The following SH3GL3 variants were observed in gnomAD, a reference collection of about 807,000 sequenced individuals.
SH3GL3 encodes the protein endophilin-A3.
Under a neutral mutation model 47.7 loss-of-function variants are expected in SH3GL3, and 33 were observed. The ratio of observed to expected loss-of-function variants is 0.69; its 90% CI spans 0.52 to 0.92. SH3GL3 has a LOEUF of 0.92. Among genes scored for constraint, SH3GL3 ranks in the 40% least tolerant of loss-of-function variants. SH3GL3 has a pLI of 0.00. For synonymous variants in SH3GL3, 155 were observed against 148.8 expected (o/e 1.04, Z -0.30); for missense variants, 363 against 417.8 (o/e 0.87, Z 1.14).
chr15:83,585,433 G>A (rs145247145), intron 6 of SH3GL3, among the ~76,000 whole-genome samples: 3 of 151,950 alleles, frequency 2.0e-5, no homozygotes, highest in East Asian at 1.9e-4. Flanking sequence ...ATTATAAAAT[G>A]CAAGCATTTT....
intron 1 of SH3GL3, chr15:83,490,760 A>C: frequency 6.2e-7 from 1 of 1,604,946 alleles, no homozygotes; most frequent in Non-Finnish European, 8.5e-7. Context: ...AGGAGCTTTT[A>C]AGTGAATAAG....
chr15:83,482,368 AC>A (rs1320428486), intron 1 of SH3GL3, among the ~76,000 whole-genome samples: 2 of 152,010 alleles, frequency 1.3e-5, no homozygotes, highest in Non-Finnish European at 2.9e-5. Flanking sequence ...AGTAGGCTTT[AC>A]TTTTTATATA....
intron 1 of SH3GL3, among the ~76,000 whole-genome samples, chr15:83,486,570 G>C (rs921451009): frequency 6.6e-6 from 1 of 152,128 alleles, no homozygotes; most frequent in Non-Finnish European, 1.5e-5. Context: ...GCATGTATCA[G>C]TACTTTATTC....
intron 1 of SH3GL3, among the ~76,000 whole-genome samples, chr15:83,458,519 C>T (rs2040111434): frequency 6.6e-6 from 1 of 152,218 alleles, no homozygotes; most frequent in Admixed American, 6.5e-5. Context: ...GTGGTAGAGG[C>T]TGCTGATATT....
chr15:83,597,082 A>C (rs965745165), intron 8 of SH3GL3, among the ~76,000 whole-genome samples: 4 of 152,186 alleles, frequency 2.6e-5, no homozygotes, highest in Non-Finnish European at 4.4e-5. Context: ...ACAATGTATG[A>C]TCTATTTTAT....
rs143393694 is a variant in SH3GL3 at position 83,464,988 on chromosome 15, T to TATAATAATAATA, written c.45+17436_45+17447dup. Among the ~76,000 whole-genome samples the TATAATAATAATA allele has an allele frequency of 3.2e-3, 454 of 141,524 alleles. 4 individuals carry two copies. Among genetic ancestry groups the TATAATAATAATA allele is most frequent in the South Asian group, 7.5e-3 (32 of 4,284 alleles). The allele number at this position is 141,524 out of a possible 152,430, so 92.8% of individuals were successfully genotyped here. On this transcript the variant is annotated intron_variant, in intron 1 of 8. Transcript: ENST00000427482. The stretch of plus-strand genomic sequence containing the variant: ...TGCACATGTACCCTAGAACTTAAAG[T>TATAATAATAATA]ATAATAATAATAATAATAATAATAA...
intron 4 of SH3GL3, among the ~76,000 whole-genome samples, chr15:83,569,259 C>T (rs557668738): frequency 6.6e-6 from 1 of 152,130 alleles, no homozygotes; most frequent in African/African-American, 2.4e-5. Context: ...TTAAAAACTA[C>T]AGTAAGGCTA....
At chr15:83,483,036 T>C (rs1033318318) in intron 1 of SH3GL3, among the ~76,000 whole-genome samples, 1 of 152,124 alleles carries the variant, frequency 6.6e-6, no homozygotes, top group East Asian at 1.9e-4. Context: ...CTTCTGTGAG[T>C]TTGTTTCTTA....
intron 8 of SH3GL3, among the ~76,000 whole-genome samples, chr15:83,606,889 T>C (rs112613995): frequency 9.2e-5 from 14 of 152,336 alleles, no homozygotes; most frequent in African/African-American, 3.4e-4. Flanking sequence ...TGTGGACAGG[T>C]TGAACATTTA....
chr15:83,471,509 A>G (rs1053686293), intron 1 of SH3GL3, among the ~76,000 whole-genome samples: 1 of 152,192 alleles, frequency 6.6e-6, no homozygotes, highest in Non-Finnish European at 1.5e-5. Flanking sequence ...ACTATGCCCA[A>G]ATAAGGCAAA....
rs79750524 is a variant in SH3GL3 at position 83,460,308 on chromosome 15, C to T, written c.45+12730C>T. Among the ~76,000 whole-genome samples the T allele has an allele frequency of 5.2e-3, 784 of 151,756 alleles. 7 individuals are homozygous for T. Among genetic ancestry groups the T allele is most frequent in the African/African-American group, 0.018 (754 of 41,368 alleles). On this transcript the variant is annotated intron_variant, in intron 1 of 8. Transcript: ENST00000427482. The stretch of plus-strand genomic sequence containing the variant: ...GTCTAAATTGTTCCATGTAACCAGG[C>T]AATTTCATGTGTCTTTAATTTTTCT...
intron 1 of SH3GL3, among the ~76,000 whole-genome samples, chr15:83,526,153 T>TGGC (rs2043411951): frequency 6.6e-6 from 1 of 152,146 alleles, no homozygotes; most frequent in Non-Finnish European, 1.5e-5. Context: ...CTGGCTATTA[T>TGGC]TAAAAAGTCA....
chr15:83,472,260 G>A (rs930001057), intron 1 of SH3GL3, among the ~76,000 whole-genome samples: 10 of 152,182 alleles, frequency 6.6e-5, no homozygotes, highest in African/African-American at 2.2e-4. Flanking sequence ...AATTTGGAAA[G>A]TTTTCAACCA....
chr15:83,498,674 A>T (rs2042175207), intron 1 of SH3GL3, among the ~76,000 whole-genome samples: 1 of 152,012 alleles, frequency 6.6e-6, no homozygotes, highest in South Asian at 2.1e-4. Flanking sequence ...GTGGGGCCAC[A>T]TTACTTATTA....
intron 1 of SH3GL3, among the ~76,000 whole-genome samples, chr15:83,524,097 T>C (rs1368254784): frequency 1.3e-5 from 2 of 152,142 alleles, no homozygotes; most frequent in African/African-American, 4.8e-5. Flanking sequence ...AGGAAGTGAA[T>C]ATGGTTGGTG....
intron 2 of SH3GL3, among the ~76,000 whole-genome samples, chr15:83,559,894 G>A (rs935204353): frequency 2.0e-5 from 3 of 152,160 alleles, no homozygotes; most frequent in African/African-American, 4.8e-5. Context: ...AAACATTAAC[G>A]TATTTGAAAT....
At chr15:83,580,347 A>T (rs949618802) in intron 6 of SH3GL3, among the ~76,000 whole-genome samples, 5 of 152,156 alleles carry the variant, frequency 3.3e-5, no homozygotes, top group South Asian at 4.1e-4. Context: ...TGCCTGATGG[A>T]TTGGACGGTG....
At chr15:83,533,639 T>G (rs558458666) in intron 1 of SH3GL3, among the ~76,000 whole-genome samples, 1 of 152,340 alleles carries the variant, frequency 6.6e-6, no homozygotes, top group Admixed American at 6.5e-5. Flanking sequence ...CAGCTAGGGT[T>G]GGCCTCGGGT....
chr15:83,519,386 T>A (rs905494176), intron 1 of SH3GL3, among the ~76,000 whole-genome samples: 1 of 152,232 alleles, frequency 6.6e-6, no homozygotes, highest in Non-Finnish European at 1.5e-5. Flanking sequence ...ATATTTCACT[T>A]CCTTGGTTAG....
Sources: gnomAD v4.1 joint callset for allele counts (sites outside exome capture counted in the v4.1 genomes callset) on GRCh38, gnomAD v4.1.1 for gene constraint, MANE v1.5 for transcripts, NCBI Gene and HGNC (gene_info 2026-07-23, HGNC 2026-07-21) for gene names.